MLXIPL: variants seen among roughly 807,000 people sequenced by gnomAD.
The protein encoded by MLXIPL is MLX interacting protein like.
Under a neutral mutation model 81.5 loss-of-function variants are expected in MLXIPL, and 49 were observed. That is an observed-to-expected ratio of 0.60 (90% CI 0.48 to 0.76). MLXIPL has a LOEUF of 0.76. MLXIPL is among the 30% of genes least tolerant of loss of function. The pLI, the probability that MLXIPL is intolerant of heterozygous loss-of-function variation, is 0.00. For synonymous variants in MLXIPL, 466 were observed against 485.5 expected, an observed-to-expected ratio of 0.96 and a Z score of 0.53; for missense variants, 1,053 against 1,167.0, an observed-to-expected ratio of 0.90 and a Z score of 1.42.
intron 15 of MLXIPL, among the ~76,000 whole-genome samples, 169 bp downstream of exon 15, chr7:73,595,468 G>A (rs1794200893): frequency 6.6e-6 from 1 of 152,136 alleles, no homozygotes; most frequent in Non-Finnish European, 1.5e-5. Context: ...CAATTTTGCT[G>A]GCCAAGATGG....
the MLXIPL span, among the ~76,000 whole-genome samples, chr7:73,632,735 C>A: frequency 9.2e-5 from 13 of 142,042 alleles, no homozygotes; most frequent in Non-Finnish European, 1.2e-4. Context: ...CCTTTCATTC[C>A]TTCCTTCTTT....
intron 1 of MLXIPL, among the ~76,000 whole-genome samples, chr7:73,621,376 A>G (rs879976840): frequency 6.7e-6 from 1 of 149,750 alleles, no homozygotes; most frequent in Non-Finnish European, 1.5e-5. Flanking sequence ...AGAGGGTGAA[A>G]CCTTGCCAGG....
intron 7 of MLXIPL, among the ~76,000 whole-genome samples, chr7:73,601,347 T>C (rs1554596203): frequency 6.6e-6 from 1 of 151,314 alleles, no homozygotes; most frequent in Admixed American, 6.6e-5. Context: ...ATAATGAGCT[T>C]GCGTGGGAGA....
At position 73,593,398 on chromosome 7, in the gene MLXIPL, G is replaced by T; in HGVS notation, c.*467C>A. The T allele has an allele frequency of 4.1e-6, 1 of 242,636 alleles. No individual in the cohort carries two copies. Among genetic ancestry groups the T allele is most frequent in the Non-Finnish European group, 8.2e-6 (1 of 121,528 alleles). 15.0% of individuals were successfully genotyped at this position (242,636 alleles called of 1,614,324 possible). A position where few individuals can be genotyped will look rare whatever the true frequency, so the allele number is the denominator to read the frequency against. ...GTCAGCAGTGAAGGAGCAGAGAGAGGGAACCTCCTTTTCTGCTTCTCTGCT... is the reference window on the plus strand; with the variant it reads ...GTCAGCAGTGAAGGAGCAGAGAGAGTGAACCTCCTTTTCTGCTTCTCTGCT... On this transcript the variant is annotated 3_prime_UTR_variant, in exon 17 of 17. Coordinates refer to ENST00000313375, the MANE Select transcript of MLXIPL (RefSeq NM_032951.3).
At chr7:73,614,567 C>T (rs1008906199) in intron 2 of MLXIPL, among the ~76,000 whole-genome samples, 2 of 152,190 alleles carry the variant, frequency 1.3e-5, no homozygotes, top group African/African-American at 2.4e-5. Context: ...TCAGTGCAGC[C>T]TTTGATCCTG....
the MLXIPL span, among the ~76,000 whole-genome samples, chr7:73,631,564 T>G: frequency 1.5e-5 from 2 of 134,588 alleles, no homozygotes; most frequent in Admixed American, 7.4e-5. Flanking sequence ...GCTACTTTTT[T>G]TTTTTTTTTT....
At chr7:73,616,319 C>G (rs1554600784) in intron 1 of MLXIPL, 142 bp from the exon 2 acceptor site, 18 of 729,290 alleles carry the variant, frequency 2.5e-5, no homozygotes, top group Non-Finnish European at 2.7e-5. Flanking sequence ...CCCAACCTGC[C>G]TGAAATTCCT....
intron 7 of MLXIPL, among the ~76,000 whole-genome samples, chr7:73,602,723 G>T (rs1207644693): frequency 6.6e-6 from 1 of 152,106 alleles, no homozygotes; most frequent in Non-Finnish European, 1.5e-5. Context: ...GGTCACTGCT[G>T]CTCCCCCATC....
intron 9 of MLXIPL, 80 bp downstream of exon 9, chr7:73,597,099 ATCT>A (rs1264360505): frequency 1.3e-6 from 2 of 1,487,398 alleles, no homozygotes; most frequent in African/African-American, 2.8e-5. Context: ...CTTCACCTTC[ATCT>A]TCTGCTCCCA....
chr7:73,607,445 G>A (rs781864643), intron 3 of MLXIPL, 25 bp from the exon 4 acceptor site: 3 of 1,539,296 alleles, frequency 1.9e-6, no homozygotes, highest in Admixed American at 2.0e-5. Flanking sequence ...GGGGGAGGGG[G>A]ATCAGTAGAG....
chr7:73,618,809 G>A (rs1796146742), intron 1 of MLXIPL, among the ~76,000 whole-genome samples: 1 of 152,132 alleles, frequency 6.6e-6, no homozygotes. Context: ...GTCCCTGTCT[G>A]TATCCCAGCA....
rs781906315 is a variant in MLXIPL at position 73,624,418 on chromosome 7, C to A, written c.75G>T (p.Ser25=). The stretch of plus-strand genomic sequence containing the variant: ...GACTCGGGTCCTCCGAGTCTGTGTC[C>A]GAGTCCGAGTCTGGGCTGGGCGCGA... ...PRVAPSPDSD[S]DTDSEDPSLR... is the part of the protein sequence containing the mutation. Residue 25 remains serine, a synonymous_variant, in exon 1 of 17, where the codon TCG becomes TCT. Coordinates refer to ENST00000313375, the MANE Select transcript of MLXIPL (RefSeq NM_032951.3). 7.7e-6 allele frequency: 12 copies of A among 1,565,132 alleles called. No homozygotes were observed. The highest frequency in any genetic ancestry group is 1.8e-5 in the Admixed American group (1 of 54,546).
chr7:73,602,317 TCTC>T (rs1414938231), intron 7 of MLXIPL, among the ~76,000 whole-genome samples: 6 of 150,656 alleles, frequency 4.0e-5, no homozygotes, highest in Admixed American at 3.3e-4. Context: ...TTCAAACAAT[TCTC>T]CTTGCCTCAG....
upstream of MLXIPL, among the ~76,000 whole-genome samples, chr7:73,627,591 G>A (rs1796773043): frequency 6.6e-6 from 1 of 152,052 alleles, no homozygotes; most frequent in Non-Finnish European, 1.5e-5. Flanking sequence ...TTGGTACAGA[G>A]GCTGACAGGA....
At chr7:73,642,401 G>C in the MLXIPL span, among the ~76,000 whole-genome samples, 1 of 152,066 alleles carries the variant, frequency 6.6e-6, no homozygotes, top group South Asian at 2.1e-4. Flanking sequence ...ACCCAGGCTG[G>C]AGTGCAGTAG....
chr7:73,620,318 C>T (rs533957849), intron 1 of MLXIPL, among the ~76,000 whole-genome samples: 43 of 151,048 alleles, frequency 2.8e-4, no homozygotes, highest in Non-Finnish European at 5.6e-4. Context: ...GCAGGAGAAT[C>T]GCTTGAACCC....
intron 2 of MLXIPL, among the ~76,000 whole-genome samples, chr7:73,615,113 T>C (rs538761936): frequency 4.5e-4 from 69 of 152,160 alleles, no homozygotes; most frequent in African/African-American, 1.6e-3. Flanking sequence ...GCCTCGTTTT[T>C]ATAGATAAGG....
chr7:73,624,906 C>CA (rs1796645482), upstream of MLXIPL, among the ~76,000 whole-genome samples: 1 of 151,964 alleles, frequency 6.6e-6, no homozygotes, highest in Non-Finnish European at 1.5e-5. Context: ...CAAAAAAATG[C>CA]AAAAATTAGC....
intron 2 of MLXIPL, among the ~76,000 whole-genome samples, chr7:73,614,316 C>T (rs1795874061): frequency 6.6e-6 from 1 of 152,172 alleles, no homozygotes; most frequent in Admixed American, 6.6e-5. Flanking sequence ...TTCTTTTACG[C>T]TCTGTGAACC....
Sources: gnomAD v4.1 joint callset for allele counts (sites outside exome capture counted in the v4.1 genomes callset) on GRCh38, gnomAD v4.1.1 for gene constraint, MANE v1.5 for transcripts, NCBI Gene and HGNC (gene_info 2026-07-23, HGNC 2026-07-21) for gene names.